The following MTHFD2L variants were observed in gnomAD, a reference collection of about 807,000 sequenced individuals.
MTHFD2L encodes methylenetetrahydrofolate dehydrogenase (NADP+ dependent) 2 like.
A neutral mutation model predicts 34.9 loss-of-function variants in MTHFD2L; 29 were observed. The observed-to-expected ratio is 0.83, with a 90% CI of 0.62 to 1.13. The LOEUF is 1.13. MTHFD2L is among the 50% of genes most tolerant of loss of function. The pLI, the probability that MTHFD2L is intolerant of heterozygous loss-of-function variation, is 0.00. For synonymous variants in MTHFD2L, 167 were observed against 155.7 expected (o/e 1.07, Z -0.54); for missense variants, 481 against 446.5 (o/e 1.08, Z -0.70).
intron 6 of MTHFD2L, among the ~76,000 whole-genome samples, chr4:74,262,629 A>G (rs958342289): frequency 9.2e-5 from 14 of 152,120 alleles, no homozygotes; most frequent in African/African-American, 2.2e-4. Flanking sequence ...AAATTGCTCA[A>G]TGTCACTGAT....
intron 7 of MTHFD2L, among the ~76,000 whole-genome samples, chr4:74,293,080 T>C (rs1749161015): frequency 6.6e-6 from 1 of 152,098 alleles, no homozygotes; most frequent in Non-Finnish European, 1.5e-5. Flanking sequence ...AGCTCTAGGG[T>C]ACATGTGCAG....
intron 3 of MTHFD2L, among the ~76,000 whole-genome samples, chr4:74,177,496 G>A (rs960731482): frequency 6.6e-6 from 1 of 151,858 alleles, no homozygotes; most frequent in African/African-American, 2.4e-5. Context: ...TGGCCAACAG[G>A]TATATGAAAA....
At chr4:74,118,047 G>T (rs1402813325) in intron 2 of MTHFD2L, among the ~76,000 whole-genome samples, 8 of 151,958 alleles carry the variant, frequency 5.3e-5, no homozygotes. Context: ...ATTTACTGTT[G>T]TACTTACAAC....
intron 7 of MTHFD2L, among the ~76,000 whole-genome samples, chr4:74,292,736 G>A (rs1343205586): frequency 6.6e-6 from 1 of 152,118 alleles, no homozygotes; most frequent in Admixed American, 6.6e-5. Context: ...CTACTGAAAT[G>A]GAATCTGGCA....
At chr4:74,191,382 C>T (rs1309537752) in intron 3 of MTHFD2L, among the ~76,000 whole-genome samples, 2 of 150,348 alleles carry the variant, frequency 1.3e-5, no homozygotes, top group Non-Finnish European at 3.0e-5. Context: ...TTTTCATGTC[C>T]AGAAAGGAAG....
chr4:74,196,667 G>A (rs369719225), intron 3 of MTHFD2L, among the ~76,000 whole-genome samples: 6 of 151,958 alleles, frequency 3.9e-5, no homozygotes, highest in Admixed American at 3.9e-4. Flanking sequence ...TGTATTCAGT[G>A]GCCAGGCTCA....
intron 1 of MTHFD2L, among the ~76,000 whole-genome samples, chr4:74,138,568 G>A (rs1368742718): frequency 1.3e-5 from 2 of 152,054 alleles, no homozygotes; most frequent in African/African-American, 4.8e-5. Context: ...AGGAACAATG[G>A]CGAGCCTTTA....
intron 6 of MTHFD2L, among the ~76,000 whole-genome samples, chr4:74,273,039 C>T (rs988267018): frequency 1.4e-4 from 21 of 152,124 alleles, no homozygotes; most frequent in South Asian, 1.0e-3. Flanking sequence ...CTTTGTATTA[C>T]GCCTTTTTAT....
chr4:74,279,239 A>C (rs1242534450), intron 6 of MTHFD2L, among the ~76,000 whole-genome samples: 1 of 152,040 alleles, frequency 6.6e-6, no homozygotes. Context: ...ATTTTAATTT[A>C]ATGACAGAGT....
At chr4:74,227,903 C>G (rs965669589) in intron 6 of MTHFD2L, among the ~76,000 whole-genome samples, 7 of 152,082 alleles carry the variant, frequency 4.6e-5, no homozygotes, top group Non-Finnish European at 8.8e-5. Context: ...AGATTTTGCT[C>G]TAATTTGTTT....
At chr4:74,237,237 C>T (rs568783243) in intron 6 of MTHFD2L, among the ~76,000 whole-genome samples, 1 of 152,264 alleles carries the variant, frequency 6.6e-6, no homozygotes, top group Admixed American at 6.5e-5. Context: ...GTTCTGTGAC[C>T]TCCAGCAGCC....
At chr4:74,162,500 C>G (rs961235727) in intron 1 of MTHFD2L, among the ~76,000 whole-genome samples, 14 of 147,086 alleles carry the variant, frequency 9.5e-5, no homozygotes, top group Admixed American at 4.7e-4. Flanking sequence ...GATGTTCTCT[C>G]CCCACTTTTT....
At chr4:74,144,922 T>C (rs760195107) in intron 1 of MTHFD2L, among the ~76,000 whole-genome samples, 2 of 152,260 alleles carry the variant, frequency 1.3e-5, no homozygotes, top group Non-Finnish European at 2.9e-5. Flanking sequence ...GTAAGTGCTG[T>C]AAGTGGTATA....
rs74992438 is a variant in MTHFD2L, at chr4:74,267,158, C to T, written c.806-14267C>T. The T allele has an allele frequency of 8.6e-4, 843 of 985,000 alleles. 8 individuals are homozygous for T. The African/African-American group carries it at 0.014, about 16-fold the overall frequency. The allele number at this position is 985,000 out of a possible 1,614,324, so 61.0% of individuals were successfully genotyped here. ...AAACCCATTCCATTCGACTTTAATA[C>T]TCTGTGAATAACATGACAGTTGGTA... On this transcript the variant is annotated intron_variant, in intron 6 of 7. Transcript: ENST00000325278.
rs183286724 is a variant in MTHFD2L at position 74,134,733 on chromosome 4, C to T, written c.-297+9216C>T. 4.6e-5 allele frequency among the ~76,000 whole-genome samples: 7 copies of T among 152,144 alleles called. No homozygotes were observed. In the East Asian group the frequency reaches 1.2e-3, roughly 25 times the overall value. On this transcript the variant is annotated intron_variant, in intron 1 of 7. Transcript: ENST00000433372. The stretch of plus-strand genomic sequence containing the variant: ...TTATCTCTAAGATAACACAGAAAAG[C>T]AACTCAGATATTTATCAGAGAAATT...
intron 6 of MTHFD2L, among the ~76,000 whole-genome samples, chr4:74,278,987 T>G (rs1411642061): frequency 6.6e-6 from 1 of 152,134 alleles, no homozygotes; most frequent in African/African-American, 2.4e-5. Flanking sequence ...ACTCTACCAA[T>G]AGATGCTTTC....
chr4:74,160,581 T>C (rs1052781470), intron 1 of MTHFD2L: 2 of 152,398 alleles, frequency 1.3e-5, no homozygotes, highest in South Asian at 2.1e-4. Flanking sequence ...TTAGGTCTTA[T>C]TAATTGGGGG....
At chr4:74,170,031 G>T (rs772869789) in intron 1 of MTHFD2L, among the ~76,000 whole-genome samples, 4 of 152,122 alleles carry the variant, frequency 2.6e-5, no homozygotes, top group Non-Finnish European at 4.4e-5. Context: ...ATAGCTTCAT[G>T]GGTGAATCCT....
chr4:74,284,493 C>T lies in MTHFD2L; in HGVS notation c.931+2943C>T, dbSNP rs546332818. Among the ~76,000 whole-genome samples, 135 of 150,702 alleles carry T rather than the reference C, an allele frequency of 9.0e-4. 1 individual carries two copies. Among genetic ancestry groups the T allele is most frequent in the Non-Finnish European group, 1.4e-3 (98 of 67,766 alleles). On this transcript the variant is annotated intron_variant, in intron 7 of 7. Coordinates refer to ENST00000325278, the MANE Select transcript of MTHFD2L (RefSeq NM_001144978.3). ...TAAATGTCTTCTTTTGAGAAGTGTC[C>T]GTTAATATCCTTCGCCCACTTGTTG...
Sources: allele counts gnomAD v4.1 joint callset (sites outside exome capture counted in the v4.1 genomes callset), GRCh38; gene constraint gnomAD v4.1.1; transcripts MANE v1.5; gene names NCBI Gene and HGNC (gene_info 2026-07-23, HGNC 2026-07-21).